Variants in XKR9 observed in about 807,000 individuals in gnomAD.
XKR9 encodes the protein XK related 9, also known as XK-related protein 9.
XKR9 carries 32 observed loss-of-function variants against 32.0 expected under a neutral mutation model. The observed-to-expected ratio is 1.00, with a 90% CI of 0.76 to 1.34. The LOEUF is 1.34. Ranked by LOEUF, XKR9 falls within the 40% of genes most tolerant of loss-of-function variation. The pLI is 0.00. For synonymous variants in XKR9, 168 were observed against 143.4 expected, an observed-to-expected ratio of 1.17 and a Z score of -1.22; for missense variants, 546 against 429.7, an observed-to-expected ratio of 1.27 and a Z score of -2.39.
the XKR9 span, among the ~76,000 whole-genome samples, chr8:70,973,600 G>A: frequency 6.6e-6 from 1 of 151,992 alleles, no homozygotes; most frequent in Non-Finnish European, 1.5e-5. Context: ...TTTAATTAAT[G>A]CTATGAACTT....
At position 70,778,130 on chromosome 8, in the gene XKR9, A is replaced by G. The variant is rs562822915; in HGVS notation, n.353-11209A>G. 5.3e-5 allele frequency among the ~76,000 whole-genome samples: 8 copies of G among 152,258 alleles called. No individual in the cohort carries two copies. In the East Asian group the frequency reaches 1.2e-3, roughly 22 times the overall value. ...TTATCTATCTTGAGTTAATTTTTGT[A>G]TAAGGTGTAAGGAAGGGATACAGTT... On this transcript the variant is annotated intron_variant and non_coding_transcript_variant, in intron 2 of 3. Coordinates refer to the XKR9 transcript ENST00000520273.
At chr8:70,737,186 C>T (rs1461069240), downstream of XKR9, among the ~76,000 whole-genome samples, 1 of 141,536 alleles carries the variant, frequency 7.1e-6, no homozygotes, top group Non-Finnish European at 1.6e-5. Context: ...TCCTTCACAT[C>T]CCTTGTAAGT....
the XKR9 span, among the ~76,000 whole-genome samples, chr8:70,837,750 T>C: frequency 6.6e-6 from 1 of 152,062 alleles, no homozygotes; most frequent in Non-Finnish European, 1.5e-5. Context: ...TGCTGGTAAA[T>C]TGAGAGAGAA....
chr8:70,878,435 G>T, the XKR9 span, among the ~76,000 whole-genome samples: 1 of 152,046 alleles, frequency 6.6e-6, no homozygotes. Flanking sequence ...ATGCACATAG[G>T]CTCAAAATAA....
chr8:70,842,653 T>C, the XKR9 span, among the ~76,000 whole-genome samples: 1 of 152,168 alleles, frequency 6.6e-6, no homozygotes, highest in South Asian at 2.1e-4. Flanking sequence ...TTGAGAAACC[T>C]GGCTCTCATT....
At chr8:71,062,345 G>T in the XKR9 span, among the ~76,000 whole-genome samples, 3,087 of 152,234 alleles carry the variant, frequency 0.02, 91 homozygotes, top group African/African-American at 0.071. Context: ...AAGGTGTCAA[G>T]AGATTGAGTG....
At chr8:70,893,033 C>A in the XKR9 span, among the ~76,000 whole-genome samples, 1 of 152,000 alleles carries the variant, frequency 6.6e-6, no homozygotes, top group Non-Finnish European at 1.5e-5. Context: ...ATGTTTTTTT[C>A]ATTCTTATTT....
intron 3 of XKR9, among the ~76,000 whole-genome samples, chr8:70,684,488 A>C (rs974237953): frequency 6.6e-6 from 1 of 152,144 alleles, no homozygotes; most frequent in Non-Finnish European, 1.5e-5. Flanking sequence ...ATAAGCATAC[A>C]TAATCAAATA....
At chr8:71,009,504 C>T in the XKR9 span, among the ~76,000 whole-genome samples, 2 of 152,318 alleles carry the variant, frequency 1.3e-5, no homozygotes, top group African/African-American at 4.8e-5. Context: ...TGGTTGTAAG[C>T]TCCATAGGGT....
chr8:70,766,527 T>C (rs1807378097), intron 2 of XKR9, among the ~76,000 whole-genome samples: 1 of 152,198 alleles, frequency 6.6e-6, no homozygotes, highest in Non-Finnish European at 1.5e-5. Flanking sequence ...AAATATACAA[T>C]CATATAATCT....
At chr8:70,823,056 T>A in the XKR9 span, among the ~76,000 whole-genome samples, 1 of 152,190 alleles carries the variant, frequency 6.6e-6, no homozygotes, top group Non-Finnish European at 1.5e-5. Flanking sequence ...AGGATCTCTG[T>A]CTGCTAGAGT....
the XKR9 span, among the ~76,000 whole-genome samples, chr8:70,816,455 A>G: frequency 6.6e-6 from 1 of 152,222 alleles, no homozygotes; most frequent in African/African-American, 2.4e-5. Flanking sequence ...TTATAGCAGC[A>G]CTATTCTCAA....
At chr8:70,938,008 G>C in the XKR9 span, among the ~76,000 whole-genome samples, 1 of 152,060 alleles carries the variant, frequency 6.6e-6, no homozygotes, top group Non-Finnish European at 1.5e-5. Flanking sequence ...AAGGAGTCTT[G>C]TTGGGGACAT....
intron 4 of XKR9, among the ~76,000 whole-genome samples, chr8:70,708,182 AAAT>A (rs1222762553): frequency 6.6e-6 from 1 of 152,002 alleles, no homozygotes; most frequent in Non-Finnish European, 1.5e-5. Context: ...TTTGTGATGC[AAAT>A]AATTCATGGA....
At chr8:70,744,081 C>T (rs974696061) in intron 2 of XKR9, among the ~76,000 whole-genome samples, 4 of 151,852 alleles carry the variant, frequency 2.6e-5, no homozygotes, top group Admixed American at 6.6e-5. Flanking sequence ...GAGGCTGAGG[C>T]GGGTGCATTA....
the XKR9 span, among the ~76,000 whole-genome samples, chr8:70,812,903 A>G: frequency 6.6e-6 from 1 of 152,232 alleles, no homozygotes; most frequent in Non-Finnish European, 1.5e-5. Context: ...ATCCCCATCA[A>G]GATACCAATG....
In XKR9 at chr8:70,753,833, G is replaced by A. The variant is rs527445458; in HGVS notation, n.353-35506G>A. ...CATGCTGAATGGGCAAAAACTGGAA[G>A]CATTCCCTTTGAAAACTGGCACAAG... On this transcript the variant is annotated intron_variant and non_coding_transcript_variant, in intron 2 of 3. Coordinates refer to the XKR9 transcript ENST00000520273. 2.8e-4 allele frequency among the ~76,000 whole-genome samples: 42 copies of A among 148,884 alleles called. 1 individual carries two copies. The South Asian group carries it at 7.4e-3, about 26-fold the overall frequency.
At chr8:70,900,278 T>C in the XKR9 span, among the ~76,000 whole-genome samples, 1 of 152,082 alleles carries the variant, frequency 6.6e-6, no homozygotes, top group Non-Finnish European at 1.5e-5. Context: ...TGGCAGCCAA[T>C]GCAAAAATGG....
At chr8:70,993,961 G>A in the XKR9 span, among the ~76,000 whole-genome samples, 1 of 152,106 alleles carries the variant, frequency 6.6e-6, no homozygotes, top group Non-Finnish European at 1.5e-5. Context: ...CTGAATAGCT[G>A]TATCAAAATA....
Sources: gnomAD v4.1 joint callset for allele counts (sites outside exome capture counted in the v4.1 genomes callset) on GRCh38, gnomAD v4.1.1 for gene constraint, MANE v1.5 for transcripts, NCBI Gene and HGNC (gene_info 2026-07-23, HGNC 2026-07-21) for gene names.